TELO2: variants seen among roughly 807,000 people sequenced by gnomAD.
TELO2 encodes the protein telomere maintenance 2, also known as telomere length regulation protein TEL2 homolog.
In TELO2, 71 loss-of-function variants were observed where a neutral mutation model predicts 91.0. The observed-to-expected ratio is 0.78, with a 90% CI of 0.64 to 0.95. The LOEUF (loss-of-function observed/expected upper bound fraction) is 0.95. Ranked by LOEUF, TELO2 falls within the 40% of genes least tolerant of loss-of-function variation. TELO2 has a pLI of 0.00. For missense variants in TELO2, 1,183 were observed against 1,141.3 expected, an observed-to-expected ratio of 1.04 and a Z score of -0.53; for synonymous variants, 584 against 518.9, an observed-to-expected ratio of 1.13 and a Z score of -1.71.
chr16:1,506,882 G>A (rs933187658), intron 17 of TELO2, 70 bp from the exon 18 acceptor site: 103 of 1,495,316 alleles, frequency 6.9e-5, no homozygotes, highest in Non-Finnish European at 8.8e-5. Flanking sequence ...GGTCTCCCAC[G>A]GTGGCCCAGG....
chr16:1,507,768 G>GTA (rs2039953701), intron 20 of TELO2, 52 bp downstream of exon 20: 1 of 1,353,802 alleles, frequency 7.4e-7, no homozygotes, highest in African/African-American at 1.5e-5. Flanking sequence ...CCCGGGGTGT[G>GTA]TGTGTATGTG....
intron 15 of TELO2, among the ~76,000 whole-genome samples, chr16:1,504,548 G>GT (rs1567303554): frequency 6.9e-5 from 10 of 145,606 alleles, no homozygotes; most frequent in African/African-American, 2.6e-4. Context: ...CACCGTAACT[G>GT]GTCTTTTTTT....
intron 9 of TELO2, 129 bp from the exon 10 acceptor site, chr16:1,501,291 C>T: frequency 1.0e-6 from 1 of 965,798 alleles, no homozygotes; most frequent in Non-Finnish European, 1.6e-6. Context: ...ACCTGGCTAT[C>T]CAGGGCCCAG....
intron 17 of TELO2, chr16:1,506,589 C>T (rs2039900709): frequency 1.4e-6 from 2 of 1,403,854 alleles, no homozygotes; most frequent in East Asian, 2.7e-5. Flanking sequence ...CCCGCACGTG[C>T]CCGACGCCAT....
intron 10 of TELO2, 77 bp downstream of exon 10, chr16:1,501,576 G>A (rs1481855704): frequency 2.6e-6 from 4 of 1,567,046 alleles, no homozygotes. Flanking sequence ...GATGGGAGGG[G>A]GGAAACCCTT....
intron 9 of TELO2, 42 bp downstream of exon 9, chr16:1,500,741 G>C (rs761112712): frequency 6.2e-6 from 10 of 1,601,148 alleles, no homozygotes; most frequent in South Asian, 1.1e-5. Flanking sequence ...TGGCTGGCCC[G>C]GGTCTCCCGA....
At position 1,501,693 on chromosome 16, in the gene TELO2, C is replaced by G. The variant is rs764759227; in HGVS notation, c.1392C>G (p.Pro464=). The G allele has an allele frequency of 8.1e-6, 13 of 1,612,788 alleles. No homozygotes were observed. The highest frequency in any genetic ancestry group is 1.1e-5 in the Non-Finnish European group (13 of 1,179,792). ...GTSLVPATAE[P]PAETPAEIVD... The stretch of plus-strand genomic sequence containing the variant: ...CCCTCGTTCCAGCCACGGCAGAGCC[C>G]CCTGCAGAGACCCCCGCAGAGATCG... Residue 464 remains proline, a synonymous_variant, in exon 11 of 21, where the codon CCC becomes CCG. Transcript: ENST00000262319.
chr16:1,494,423 C>T lies in TELO2; in HGVS notation c.142C>T (p.Pro48Ser). The T allele has an allele frequency of 6.2e-7, 1 of 1,613,462 alleles. No individual in the cohort carries two copies. The highest frequency in any genetic ancestry group is 8.5e-7 in the Non-Finnish European group (1 of 1,179,984). Residue 48 changes from proline to serine, a missense_variant, in exon 2 of 21, where the codon CCG becomes TCG. Pro to Ser is a moderately conservative substitution (Grantham distance 74). Coordinates refer to ENST00000262319, the MANE Select transcript of TELO2 (RefSeq NM_016111.4). The surrounding 1 kb of genome is among the most constrained non-coding windows in gnomAD (Gnocchi z 5.6). ...YLGEMEPPAL[P>S]REKEEFASAH... ...CGGTGAGATGGAGCCTCCAGCGCTC[C>T]CGAGGGAGAAGGAGGAGTTTGCCTC...
In TELO2 at chr16:1,497,245, TG is replaced by T; in HGVS notation, c.683-112del. On this transcript the variant is annotated intron_variant, in intron 4 of 20. Transcript: ENST00000262319. This position sits in a 1 kb window ranked among gnomAD's most constrained non-coding sequence, Gnocchi z 4.0. ...GGTCCTGTCCTGGGCCCGTGGGATC[TG>T]GGGCTCAGCTGTGCTTACTGGGGAG... The T allele has an allele frequency of 6.7e-7, 1 of 1,492,660 alleles. No homozygotes were observed. Among genetic ancestry groups the T allele is most frequent in the Non-Finnish European group, 9.0e-7 (1 of 1,112,644 alleles). 92.5% of individuals were successfully genotyped at this position (1,492,660 alleles called of 1,614,324 possible).
At position 1,494,874 on chromosome 16, in the gene TELO2, C is replaced by T. The variant is rs2039421060; in HGVS notation, c.335+258C>T. ...AGGGATGGGGTGGGAGTGTTCACAT[C>T]CCAGGCGGCAGAGGCAGCCCGTCAG... On this transcript the variant is annotated intron_variant, in intron 2 of 20. Transcript: ENST00000262319. The surrounding 1 kb of genome is among the most constrained non-coding windows in gnomAD (Gnocchi z 5.6). 6.6e-6 allele frequency among the ~76,000 whole-genome samples: 1 copy of T among 152,286 alleles called. No homozygotes were observed. The highest frequency in any genetic ancestry group is 1.9e-4 in the East Asian group (1 of 5,182).
chr16:1,500,242 G>T (rs2039628399), intron 7 of TELO2, 78 bp downstream of exon 7: 6 of 1,534,360 alleles, frequency 3.9e-6, no homozygotes, highest in Non-Finnish European at 5.3e-6. Context: ...GGGCGGCAGG[G>T]TGAGGCTGGC....
In TELO2 at chr16:1,495,423, A is replaced by T; in HGVS notation, c.413A>T (p.Glu138Val). The T allele has an allele frequency of 6.3e-7, 1 of 1,596,882 alleles. No homozygotes were observed. Among genetic ancestry groups the T allele is most frequent in the Non-Finnish European group, 8.5e-7 (1 of 1,172,814 alleles). ...GAGGGCCGGCTGGCAGTGCTGATGG[A>T]GGCGCAGTGTCGGCAGCAGACGCAG... ...LREGRLAVLMEAQCRQQTQPG... is the reference protein window; with the variant it reads ...LREGRLAVLMVAQCRQQTQPG... Residue 138 changes from glutamate (E) to valine (V), a missense_variant, in exon 3 of 21, where the codon GAG (glutamate) becomes GTG (valine). By Grantham distance (121) the Glu-to-Val change is moderately radical. Transcript: ENST00000262319.
intron 17 of TELO2, 176 bp downstream of exon 17, chr16:1,506,505 C>T: frequency 6.9e-7 from 1 of 1,459,292 alleles, no homozygotes; most frequent in Non-Finnish European, 9.1e-7. Flanking sequence ...CAAGATTCCT[C>T]TGTGGTTGAG....
At chr16:1,500,211 G>A (rs1031381663) in intron 7 of TELO2, 47 bp downstream of exon 7, 1 of 1,557,670 alleles carries the variant, frequency 6.4e-7, no homozygotes, top group Admixed American at 1.9e-5. Context: ...TGGGAGAAGA[G>A]CCGTGCGGGG....
intron 2 of TELO2, 21 bp from the exon 3 acceptor site, chr16:1,495,325 C>G: frequency 1.3e-6 from 2 of 1,522,666 alleles, no homozygotes; most frequent in Non-Finnish European, 8.9e-7. Flanking sequence ...GCGGCTCTGC[C>G]CAACACGCCC....
In TELO2 at chr16:1,506,292, G is replaced by A. The variant is rs145891685; in HGVS notation, c.2089G>A (p.Gly697Ser). 136 of 1,614,028 alleles carry A rather than the reference G, an allele frequency of 8.4e-5. 1 individual carries two copies. The Middle Eastern group carries it at 2.5e-3, about 29-fold the overall frequency. Residue 697 changes from glycine to serine, a missense_variant, in exon 17 of 21, where the codon GGC becomes AGC. Transcript: ENST00000262319. ...GSPSRFNSVA[G>S]HFFFPLLQRF... ...CCCCAGCAGATTCAACTCCGTGGCCGGCCACTTCTTCTTCCCCCTCCTTCA... is the reference window on the plus strand; with the variant it reads ...CCCCAGCAGATTCAACTCCGTGGCCAGCCACTTCTTCTTCCCCCTCCTTCA...
rs1207108062 is a variant in TELO2, at chr16:1,495,446, C to T, written c.436C>T (p.Gln146Ter). ...LMEAQCRQQT[Q>*]PGFILLRETL... ...GGAGGCGCAGTGTCGGCAGCAGACGCAGCCCGGCTTCATCCTGCTCCGGGA... is the reference window on the plus strand; with the variant it reads ...GGAGGCGCAGTGTCGGCAGCAGACGTAGCCCGGCTTCATCCTGCTCCGGGA... Residue 146 changes from glutamine to a stop codon, truncating the protein, a stop_gained, in exon 3 of 21, where the codon CAG becomes TAG. Transcript: ENST00000262319. LOFTEE classifies it high-confidence loss of function. 2.5e-6 allele frequency: 4 copies of T among 1,604,990 alleles called. No homozygotes were observed. Among genetic ancestry groups the T allele is most frequent in the African/African-American group, 1.3e-5 (1 of 74,724 alleles).
chr16:1,495,641 G>A lies in TELO2; in HGVS notation c.613+18G>A, dbSNP rs117268078. The A allele has an allele frequency of 6.4e-7, 1 of 1,568,594 alleles. No individual in the cohort carries two copies. Among genetic ancestry groups the A allele is most frequent in the Admixed American group, 1.8e-5 (1 of 56,528 alleles). On this transcript the variant is annotated intron_variant, in intron 3 of 20. Transcript: ENST00000262319. ...TCTCCAAGGTGAGGCCCTGCCTCGG[G>A]GACCCCCTTTGCCACCCGTCTTCTT...
chr16:1,506,180 G>C, intron 16 of TELO2, 58 bp from the exon 17 acceptor site: 4 of 1,577,846 alleles, frequency 2.5e-6, no homozygotes, highest in Non-Finnish European at 3.5e-6. Context: ...CGGGCTAGGG[G>C]TGCCGTGCCC....
Sources: gnomAD v4.1 joint callset for allele counts (sites outside exome capture counted in the v4.1 genomes callset) on GRCh38, gnomAD v4.1.1 for gene constraint, Gnocchi (gnomAD v3.1) non-coding constraint, MANE v1.5 for transcripts, NCBI Gene and HGNC (gene_info 2026-07-23, HGNC 2026-07-21) for gene names.